Variants in TOX observed in about 807,000 individuals in gnomAD.
TOX encodes the protein thymocyte selection associated high mobility group box.
A neutral mutation model predicts 53.7 loss-of-function variants in TOX; 11 were observed. That is an observed-to-expected ratio of 0.20 (90% CI 0.13 to 0.34). The LOEUF (loss-of-function observed/expected upper bound fraction) is 0.34. Ranked by LOEUF, TOX falls within the 10% of genes least tolerant of loss-of-function variation. The pLI is 1.00. For synonymous variants in TOX, 225 were observed against 245.3 expected (o/e 0.92, Z 0.77); for missense variants, 570 against 664.6 (o/e 0.86, Z 1.56).
chr8:58,946,075 G>A (rs1181263935), intron 2 of TOX, among the ~76,000 whole-genome samples: 1 of 152,048 alleles, frequency 6.6e-6, no homozygotes, highest in Non-Finnish European at 1.5e-5. Context: ...ATATAGAACT[G>A]TATTTGAAAG....
At chr8:58,975,274 A>G (rs967735963) in intron 1 of TOX, among the ~76,000 whole-genome samples, 1 of 124,322 alleles carries the variant, frequency 8.0e-6, no homozygotes, top group Non-Finnish European at 1.7e-5. Context: ...CCCCACACAG[A>G]GAGAGAGAGA....
In TOX at chr8:59,118,830, T is replaced by G; in HGVS notation, c.102+56A>C. 1 of 1,413,810 alleles carries G rather than the reference T, an allele frequency of 7.1e-7. No individual in the cohort carries two copies. Among genetic ancestry groups the G allele is most frequent in the African/African-American group, 1.5e-5 (1 of 66,402 alleles). 87.6% of individuals were successfully genotyped at this position (1,413,810 alleles called of 1,614,324 possible). On this transcript the variant is annotated intron_variant, in intron 1 of 8. Coordinates refer to ENST00000361421, the MANE Select transcript of TOX (RefSeq NM_014729.3). This position sits in a 1 kb window ranked among gnomAD's most constrained non-coding sequence, Gnocchi z 4.1. ...CCCGCCGCGGCCCGGCCACCGCCGC[T>G]CCCCTCCCAGGATCAAGCAGCAAGA...
intron 1 of TOX, among the ~76,000 whole-genome samples, chr8:59,097,879 G>T (rs1351359026): frequency 6.6e-6 from 1 of 152,156 alleles, no homozygotes; most frequent in African/African-American, 2.4e-5. Flanking sequence ...CAACTAGTGT[G>T]TCAAAGCATA....
intron 3 of TOX, among the ~76,000 whole-genome samples, chr8:58,884,087 A>T (rs1403928749): frequency 6.6e-6 from 1 of 152,178 alleles, no homozygotes; most frequent in Non-Finnish European, 1.5e-5. Flanking sequence ...CTTCAAGCAG[A>T]AAGAAAGAAA....
At chr8:58,961,323 C>G (rs772692541) in intron 1 of TOX, among the ~76,000 whole-genome samples, 62 of 152,174 alleles carry the variant, frequency 4.1e-4, no homozygotes, top group Non-Finnish European at 6.8e-4. Flanking sequence ...TTTCTTCGCA[C>G]ATCACCCTAA....
At chr8:59,027,678 T>C (rs1814270773) in intron 1 of TOX, among the ~76,000 whole-genome samples, 3 of 152,140 alleles carry the variant, frequency 2.0e-5, no homozygotes, top group South Asian at 4.1e-4. Context: ...ACGGACTTCA[T>C]TGAAATAGTC....
intron 1 of TOX, among the ~76,000 whole-genome samples, chr8:59,098,290 T>G (rs1804748269): frequency 6.6e-6 from 1 of 152,216 alleles, no homozygotes; most frequent in Non-Finnish European, 1.5e-5. Flanking sequence ...TTAAGTACAG[T>G]GTCAGAAATT....
At chr8:58,987,815 G>C (rs1361071504) in intron 1 of TOX, among the ~76,000 whole-genome samples, 1 of 152,208 alleles carries the variant, frequency 6.6e-6, no homozygotes, top group Admixed American at 6.5e-5. Context: ...GGCACTGGAA[G>C]TGAGGTTGGC....
In TOX at chr8:58,851,467, T is replaced by C. The variant is rs183531815; in HGVS notation, c.693+57A>G. ...GATATAAACTTGTACCCAGCACAGG[T>C]CAAAGAAGGTGCCTAAGAATAGTCT... On this transcript the variant is annotated intron_variant, in intron 4 of 8. Coordinates refer to ENST00000361421, the MANE Select transcript of TOX (RefSeq NM_014729.3). This position sits in a 1 kb window ranked among gnomAD's most constrained non-coding sequence, Gnocchi z 4.4. The C allele has an allele frequency of 2.6e-5, 41 of 1,584,502 alleles. No individual in the cohort carries two copies. In the East Asian group the frequency reaches 9.2e-4, roughly 36 times the overall value.
chr8:58,998,786 C>T (rs962386654), intron 1 of TOX, among the ~76,000 whole-genome samples: 5 of 151,670 alleles, frequency 3.3e-5, no homozygotes, highest in Admixed American at 2.6e-4. Context: ...ATAATTGATT[C>T]AGATAGTCTT....
intron 6 of TOX, among the ~76,000 whole-genome samples, chr8:58,818,315 C>T (rs947723619): frequency 2.0e-5 from 3 of 152,112 alleles, no homozygotes; most frequent in South Asian, 2.1e-4. Context: ...ATGATTCAGA[C>T]AACACTTGAA....
At chr8:59,042,179 G>A (rs796284910) in intron 1 of TOX, among the ~76,000 whole-genome samples, 4 of 152,144 alleles carry the variant, frequency 2.6e-5, no homozygotes, top group African/African-American at 4.8e-5. Flanking sequence ...CCAAGATTAC[G>A]GGAATCTGAT....
intron 6 of TOX, among the ~76,000 whole-genome samples, chr8:58,824,125 A>T (rs1287818713): frequency 6.6e-6 from 1 of 151,992 alleles, no homozygotes; most frequent in Non-Finnish European, 1.5e-5. Context: ...CATTGAGAGG[A>T]CTCATGAGCA....
At chr8:58,904,282 C>A (rs1479622420) in intron 3 of TOX, among the ~76,000 whole-genome samples, 4 of 151,642 alleles carry the variant, frequency 2.6e-5, no homozygotes, top group Non-Finnish European at 5.9e-5. Flanking sequence ...TGTCTGTAAA[C>A]ACTGTGATTG....
chr8:58,834,690 G>A (rs1247268786), intron 5 of TOX, among the ~76,000 whole-genome samples: 1 of 152,216 alleles, frequency 6.6e-6, no homozygotes, highest in East Asian at 1.9e-4. Context: ...AAGGGCTGCT[G>A]TGGAGCAGCA....
At chr8:58,949,940 A>C (rs2129177431) in intron 2 of TOX, among the ~76,000 whole-genome samples, 1 of 130,224 alleles carries the variant, frequency 7.7e-6, no homozygotes, top group Middle Eastern at 4.1e-3. Context: ...TATAGTTCAT[A>C]TACACGTGTA....
chr8:58,932,328 G>A (rs776481106), intron 3 of TOX, among the ~76,000 whole-genome samples: 1 of 151,112 alleles, frequency 6.6e-6, no homozygotes, highest in Non-Finnish European at 1.5e-5. Context: ...ATGAATTGTG[G>A]CATAATGCTA....
chr8:58,984,835 A>T (rs963726576), intron 1 of TOX, among the ~76,000 whole-genome samples: 20 of 150,598 alleles, frequency 1.3e-4, no homozygotes, highest in African/African-American at 4.4e-4. Context: ...GAAAATAAGG[A>T]TGTGGAGAAA....
intron 3 of TOX, among the ~76,000 whole-genome samples, chr8:58,912,710 T>G (rs1811928222): frequency 6.6e-6 from 1 of 152,202 alleles, no homozygotes; most frequent in Non-Finnish European, 1.5e-5. Flanking sequence ...GAACTCACCT[T>G]TCTAGACCCA....
Sources: gnomAD v4.1 joint callset for allele counts (sites outside exome capture counted in the v4.1 genomes callset) on GRCh38, gnomAD v4.1.1 for gene constraint, Gnocchi (gnomAD v3.1) non-coding constraint, MANE v1.5 for transcripts, NCBI Gene and HGNC (gene_info 2026-07-23, HGNC 2026-07-21) for gene names.